RP1L1: variants seen among roughly 807,000 people sequenced by gnomAD.
The protein encoded by RP1L1 is retinitis pigmentosa 1-like 1 protein.
RP1L1 carries 27 observed loss-of-function variants against 15.7 expected under a neutral mutation model. The observed-to-expected ratio is 1.72, with a 90% CI of 1.27 to 2.38. RP1L1 has a LOEUF of 2.38. RP1L1 is among the 30% of genes most tolerant of loss of function. The probability of loss-of-function intolerance (pLI) is 0.00; values close to 1 mark genes in which losing one functional copy is unlikely to be tolerated. For missense variants in RP1L1, 4,798 were observed against 3,075.9 expected (o/e 1.56, Z -13.24); for synonymous variants, 1,813 against 1,276.7 (o/e 1.42, Z -8.96).
At chr8:10,618,381 G>A (rs1352364874) in intron 2 of RP1L1, among the ~76,000 whole-genome samples, 3 of 152,144 alleles carry the variant, frequency 2.0e-5, no homozygotes, top group East Asian at 1.9e-4. Flanking sequence ...GGTGGTAGAC[G>A]CCTGTAATCC....
intron 1 of RP1L1, among the ~76,000 whole-genome samples, chr8:10,653,549 C>G (rs920655758): frequency 6.6e-6 from 1 of 151,930 alleles, no homozygotes; most frequent in African/African-American, 2.4e-5. Context: ...CATGCACACC[C>G]ACCTGTATAC....
chr8:10,625,671 A>T (rs1374494618), intron 1 of RP1L1, among the ~76,000 whole-genome samples: 1 of 152,142 alleles, frequency 6.6e-6, no homozygotes, highest in Non-Finnish European at 1.5e-5. Context: ...GGTAGAATGC[A>T]TTGGAGGAGG....
At position 10,611,805 on chromosome 8, in the gene RP1L1, C is replaced by A. The variant is rs369772058; in HGVS notation, c.2293G>T (p.Asp765Tyr). ...HNAPSAGWAG[D>Y]AGSRTCSPAP... ...GGCGAGCATGTCCTGGACCCCGCGT[C>A]CCCTGCCCACCCGGCAGAGGGAGCG... is the stretch of plus-strand genomic sequence containing the variant. The change falls in exon 4 of 4, where the codon GAC becomes TAC. Residue 765 changes from aspartate to tyrosine, a missense_variant. Asp to Tyr is a radical substitution (Grantham distance 160, BLOSUM62 -3). Coordinates refer to ENST00000382483, the MANE Select transcript of RP1L1 (RefSeq NM_178857.6). 3.4e-5 allele frequency: 55 copies of A among 1,613,534 alleles called. No homozygotes were observed. The African/African-American group carries it at 5.9e-4, about 17-fold the overall frequency.
Position 10,610,906 on chromosome 8 carries a change from G to C in RP1L1, c.3192C>G (p.Ala1064=). The change falls in exon 4 of 4, where the codon GCC becomes GCG. Residue 1064 remains alanine (A), a synonymous_variant. Transcript: ENST00000382483. ...APAEAGADRE[A]PAGCRVSLRA... ...GCAGGCTCACCCTGCAGCCTGCTGG[G>C]GCCTCTCTGTCTGCTCCGGCCTCTG... The C allele has an allele frequency of 8.1e-6, 13 of 1,610,996 alleles. No homozygotes were observed. The highest frequency in any genetic ancestry group is 1.1e-5 in the Non-Finnish European group (13 of 1,179,198).
intron 1 of RP1L1, among the ~76,000 whole-genome samples, chr8:10,632,501 C>T (rs151263859): frequency 1.3e-5 from 2 of 152,180 alleles, no homozygotes; most frequent in Non-Finnish European, 2.9e-5. Context: ...CATCTCATCC[C>T]GACTTTTTCC....
rs181556707 is a variant in RP1L1 at position 10,611,944 on chromosome 8, G to A, written c.2154C>T (p.Asn718=). 1.9e-6 allele frequency: 3 copies of A among 1,613,894 alleles called. No individual in the cohort carries two copies. The highest frequency in any genetic ancestry group is 2.5e-6 in the Non-Finnish European group (3 of 1,180,024). The change falls in exon 4 of 4, where the codon AAC becomes AAT. Residue 718 remains asparagine (N), a synonymous_variant. Coordinates refer to ENST00000382483, the MANE Select transcript of RP1L1 (RefSeq NM_178857.6). ...SSSTRTQASG[N]LRPPSSGSLP... ...GAGAGCCCGAGGAGGGAGGTCTCAG[G>A]TTCCCAGAGGCCTGTGTCCTGGTGC...
rs1462550004 is a variant in RP1L1 at position 10,612,649 on chromosome 8, G to A, written c.1449C>T (p.Ala483=). ...CAGCCCCTATCTGGGCAGAGGGGCT[G>A]GCACTGTCCACCCCGTCCTCCGGGG... is the stretch of plus-strand genomic sequence containing the variant. ...PRTPEDGVDS[A]SPSAQIGAER... Residue 483 remains alanine (A), a synonymous_variant, in exon 4 of 4, where the codon GCC becomes GCT. Transcript: ENST00000382483. 1 of 1,602,082 alleles carries A rather than the reference G, an allele frequency of 6.2e-7. No homozygotes were observed. Among genetic ancestry groups the A allele is most frequent in the Admixed American group, 1.7e-5 (1 of 59,966 alleles).
In RP1L1 at chr8:10,607,343, C is replaced by G. The variant is rs1032376981; in HGVS notation, c.6755G>C (p.Ser2252Thr). 1.2e-6 allele frequency: 2 copies of G among 1,614,124 alleles called. No individual in the cohort carries two copies. The highest frequency in any genetic ancestry group is 2.2e-5 in the South Asian group (2 of 91,072). Residue 2252 changes from serine to threonine, a missense_variant, in exon 4 of 4, where the codon AGC becomes ACC. Ser to Thr is a moderately conservative substitution (Grantham distance 58, BLOSUM62 1). Coordinates refer to ENST00000382483, the MANE Select transcript of RP1L1 (RefSeq NM_178857.6). ...EGETQGEKKG[S>T]PQVSLGDGQS... Reference sequence around the variant, plus strand: ...GCCATCTCCTAGACTGACCTGAGGGCTCCCCTTTTTCTCACCTTGAGTTTC... The same window carrying G: ...GCCATCTCCTAGACTGACCTGAGGGGTCCCCTTTTTCTCACCTTGAGTTTC...
chr8:10,626,113 G>A (rs1469339426), intron 1 of RP1L1, among the ~76,000 whole-genome samples: 1 of 152,162 alleles, frequency 6.6e-6, no homozygotes, highest in Non-Finnish European at 1.5e-5. Flanking sequence ...AAGGGGCAGG[G>A]CGGACCTGCA....
At chr8:10,621,703 G>A in intron 2 of RP1L1, 4 of 499,988 alleles carry the variant, frequency 8.0e-6, no homozygotes, top group South Asian at 4.4e-5. Flanking sequence ...TGAGGAGACT[G>A]TGAATTAGGT....
intron 2 of RP1L1, among the ~76,000 whole-genome samples, chr8:10,616,836 G>C (rs1363558044): frequency 6.6e-6 from 1 of 152,144 alleles, no homozygotes; most frequent in Admixed American, 6.5e-5. Flanking sequence ...CGTGAGGCCC[G>C]TGATCAAAGG....
At position 10,623,059 on chromosome 8, in the gene RP1L1, C is replaced by G; in HGVS notation, c.143G>C (p.Gly48Ala). Residue 48 changes from glycine (G) to alanine (A), a missense_variant, in exon 2 of 4, where the codon GGG becomes GCG. Transcript: ENST00000382483. ...FLKRGDPRFA[G>A]VRLAVHQRAF... The stretch of plus-strand genomic sequence containing the variant: ...GCGCTGGTGAACGGCCAGGCGGACC[C>G]CAGCAAACCGTGGATCCCCTCGCTT... 1 of 1,614,124 alleles carries G rather than the reference C, an allele frequency of 6.2e-7. No homozygotes were observed. The highest frequency in any genetic ancestry group is 2.2e-5 in the East Asian group (1 of 44,882).
chr8:10,610,751 C>A lies in RP1L1; in HGVS notation c.3347G>T (p.Gly1116Val), dbSNP rs367582741. 2.5e-6 allele frequency: 4 copies of A among 1,613,318 alleles called. No homozygotes were observed. In the Admixed American group the frequency reaches 5.0e-5, roughly 20 times the overall value. The change falls in exon 4 of 4, where the codon GGG becomes GTG. Residue 1116 changes from glycine to valine, a missense_variant. Physicochemically the swap from Gly to Val is moderately radical, Grantham distance 109. Coordinates refer to ENST00000382483, the MANE Select transcript of RP1L1 (RefSeq NM_178857.6). Reference protein sequence around the residue: ...PMARRLSCSAGALITCLASLQ... With the variant: ...PMARRLSCSAVALITCLASLQ... ...ACTGGCCAGACAAGTAATGAGGGCC[C>A]CGGCTGAGCAGCTGAGCCTCCTGGC...
At chr8:10,627,377 C>T (rs185895373) in intron 1 of RP1L1, among the ~76,000 whole-genome samples, 7 of 152,160 alleles carry the variant, frequency 4.6e-5, no homozygotes, top group East Asian at 3.9e-4. Context: ...AGAAATGAGC[C>T]GGTTACAAAA....
Position 10,623,207 on chromosome 8 carries a change from G to C in RP1L1, c.-6C>G. The C allele has an allele frequency of 1.3e-6, 2 of 1,545,386 alleles. No individual in the cohort carries two copies. Among genetic ancestry groups the C allele is most frequent in the Non-Finnish European group, 1.7e-6 (2 of 1,147,266 alleles). Reference sequence around the variant, plus strand: ...TTCCTGGGGGTGCTGTTCATGGTGTGGGGGCTCTGGCCGCTGTAACAGGGC... The same window carrying C: ...TTCCTGGGGGTGCTGTTCATGGTGTCGGGGCTCTGGCCGCTGTAACAGGGC... On this transcript the variant is annotated 5_prime_UTR_variant, in exon 2 of 4. Coordinates refer to ENST00000382483, the MANE Select transcript of RP1L1 (RefSeq NM_178857.6).
rs778066173 is a variant in RP1L1 at position 10,608,342 on chromosome 8, G to C, written c.5756C>G (p.Thr1919Arg). The stretch of plus-strand genomic sequence containing the variant: ...AGTCTCCAGGGCCTCTACACTTTCT[G>C]TCTCTGGCTGGGCCTCCTTTTCTGC... ...PEAEKEAQPE[T>R]ESVEALETEG... Residue 1919 changes from threonine to arginine, a missense_variant, in exon 4 of 4, where the codon ACA (threonine) becomes AGA (arginine). Physicochemically the swap from Thr to Arg is moderately conservative, Grantham distance 71 (BLOSUM62 -1). Transcript: ENST00000382483. 4.3e-6 allele frequency: 7 copies of C among 1,610,194 alleles called. No individual in the cohort carries two copies. In the Admixed American group the frequency reaches 1.0e-4, roughly 23 times the overall value.
At position 10,606,920 on chromosome 8, in the gene RP1L1, A is replaced by G; in HGVS notation, c.7178T>C (p.Phe2393Ser). 1 of 1,614,198 alleles carries G rather than the reference A, an allele frequency of 6.2e-7. No homozygotes were observed. Among genetic ancestry groups the G allele is most frequent in the Non-Finnish European group, 8.5e-7 (1 of 1,180,032 alleles). The change falls in exon 4 of 4, where the codon TTT becomes TCT. Residue 2393 changes from phenylalanine to serine, a missense_variant. Physicochemically the swap from Phe to Ser is radical, Grantham distance 155. Coordinates refer to ENST00000382483, the MANE Select transcript of RP1L1 (RefSeq NM_178857.6). The stretch of plus-strand genomic sequence containing the variant: ...CTAGAAATCTAAGTCATCTTGGCCA[A>G]AGCCGTCTGCCCTGCCCACTGCCTC... ...PTEAVGRADGFGQDDLDF is the reference protein window; with the variant it reads ...PTEAVGRADGSGQDDLDF
chr8:10,613,770 A>G (rs1053761822), intron 3 of RP1L1, among the ~76,000 whole-genome samples: 3 of 151,920 alleles, frequency 2.0e-5, no homozygotes, highest in African/African-American at 7.3e-5. Flanking sequence ...AGCCTGGATG[A>G]CAGAGCAAGA....
At position 10,609,481 on chromosome 8, in the gene RP1L1, A is replaced by C; in HGVS notation, c.4617T>G (p.Ala1539=). The change falls in exon 4 of 4, where the codon GCT becomes GCG. Residue 1539 remains alanine, a synonymous_variant. Transcript: ENST00000382483. ...GCAGGCCCCAGCGTGCTCGGAGCTC[A>C]GCCACCGCACTGGCAAGGTGGGCCA... ...AFLAHLASAV[A]ELRARWGLQD... is the part of the protein sequence containing the mutation. The C allele has an allele frequency of 6.2e-7, 1 of 1,611,798 alleles. No individual in the cohort carries two copies. Among genetic ancestry groups the C allele is most frequent in the African/African-American group, 1.3e-5 (1 of 75,048 alleles).
Sources: gnomAD v4.1 joint callset for allele counts (sites outside exome capture counted in the v4.1 genomes callset) on GRCh38, gnomAD v4.1.1 for gene constraint, MANE v1.5 for transcripts, NCBI Gene and HGNC (gene_info 2026-07-23, HGNC 2026-07-21) for gene names.